The following KMT2A variants were observed in gnomAD, a reference collection of about 807,000 sequenced individuals.
The protein encoded by KMT2A is lysine methyltransferase 2A, also known as histone-lysine N-methyltransferase 2A.
Under a neutral mutation model 345.3 loss-of-function variants are expected in KMT2A, and 16 were observed. The ratio of observed to expected loss-of-function variants is 0.05; its 90% CI spans 0.03 to 0.07. KMT2A has a LOEUF of 0.07. KMT2A is among the 10% of genes least tolerant of loss of function. The probability of loss-of-function intolerance (pLI) is 1.00; values close to 1 mark genes in which losing one functional copy is unlikely to be tolerated. For synonymous variants in KMT2A, 1,599 were observed against 1,778.6 expected, an observed-to-expected ratio of 0.90 and a Z score of 2.54; for missense variants, 3,272 against 4,841.6, an observed-to-expected ratio of 0.68 and a Z score of 9.62.
At position 118,473,927 on chromosome 11, in the gene KMT2A, C is replaced by T; in HGVS notation, c.2768C>T (p.Thr923Ile). The T allele has an allele frequency of 6.2e-7, 1 of 1,614,114 alleles. No homozygotes were observed. The highest frequency in any genetic ancestry group is 8.5e-7 in the Non-Finnish European group (1 of 1,179,998). ...KEKVVGEDVATSSSAKKATGR... is the reference protein window; with the variant it reads ...KEKVVGEDVAISSSAKKATGR... ...AAGGTTGTTGGTGAAGATGTTGCCA[C>T]TTCATCTTCTGCCAAAAAAGCAACA... The change falls in exon 3 of 36, where the codon ACT (threonine) becomes ATT (isoleucine). Residue 923 changes from threonine (T) to isoleucine (I), a missense_variant. This residue lies in a region of KMT2A where 209 missense variants were observed against 237.4 expected (regional missense o/e 0.88). Coordinates refer to ENST00000534358, the MANE Select transcript of KMT2A (RefSeq NM_001197104.2). This position sits in a 1 kb window ranked among gnomAD's most constrained non-coding sequence, Gnocchi z 5.2.
chr11:118,474,979 A>AC (rs1451713899), intron 3 of KMT2A, among the ~76,000 whole-genome samples: 2 of 152,024 alleles, frequency 1.3e-5, no homozygotes, highest in African/African-American at 4.8e-5. Context: ...AAAAAAAAAA[A>AC]AAAATTAGCT....
At position 118,521,601 on chromosome 11, in the gene KMT2A, G is replaced by C. The variant is rs552583822; in HGVS notation, c.11643+184G>C. The stretch of plus-strand genomic sequence containing the variant: ...AGAATCCACTCTGAGGATTAGTACA[G>C]AAAGTTGCTCTTAGAAGGTTTGTCT... On this transcript the variant is annotated intron_variant, in intron 35 of 35. Transcript: ENST00000534358. This position sits in a 1 kb window ranked among gnomAD's most constrained non-coding sequence, Gnocchi z 5.3. Among the ~76,000 whole-genome samples the C allele has an allele frequency of 6.6e-6, 1 of 152,342 alleles. No individual in the cohort carries two copies. Among genetic ancestry groups the C allele is most frequent in the South Asian group, 2.1e-4 (1 of 4,826 alleles).
rs76427799 is a variant in KMT2A, at chr11:118,479,445, A to T, written c.3570-729A>T. On this transcript the variant is annotated intron_variant, in intron 5 of 35. Coordinates refer to ENST00000534358, the MANE Select transcript of KMT2A (RefSeq NM_001197104.2). ...GATATTTGCTGAATGAGTGAGTCAC[A>T]TGCAAGTGATTAATATAAAGAACAG... is the stretch of plus-strand genomic sequence containing the variant. 9.8e-3 allele frequency among the ~76,000 whole-genome samples: 1,486 copies of T among 152,370 alleles called. 18 individuals are homozygous for T. Among genetic ancestry groups the T allele is most frequent in the Non-Finnish European group, 0.013 (906 of 68,026 alleles).
intron 1 of KMT2A, among the ~76,000 whole-genome samples, chr11:118,464,825 A>G (rs1565273690): frequency 6.6e-6 from 1 of 152,230 alleles, no homozygotes; most frequent in Non-Finnish European, 1.5e-5. Context: ...GGTCATGGCA[A>G]CAGTTTTTTG....
At chr11:118,454,886 G>T (rs1201873806) in intron 1 of KMT2A, among the ~76,000 whole-genome samples, 1 of 151,394 alleles carries the variant, frequency 6.6e-6, no homozygotes, top group East Asian at 1.9e-4. Context: ...TTGATGGTGG[G>T]CCAAATTCGG....
At chr11:118,439,239 A>G (rs1591336558) in intron 1 of KMT2A, 2 of 374,136 alleles carry the variant, frequency 5.3e-6, no homozygotes, top group East Asian at 7.2e-5. Flanking sequence ...TTGCCTGGTT[A>G]TATGTAGCAT....
chr11:118,492,304 G>A (rs1432232834), intron 15 of KMT2A, among the ~76,000 whole-genome samples: 1 of 152,204 alleles, frequency 6.6e-6, no homozygotes, highest in Non-Finnish European at 1.5e-5. Flanking sequence ...GTAGTTAGGG[G>A]ACAGTTATAG....
At chr11:118,501,534 TG>T (rs1950500504) in intron 25 of KMT2A, 137 bp from the exon 26 acceptor site, 2 of 678,926 alleles carry the variant, frequency 2.9e-6, no homozygotes, top group South Asian at 2.1e-5. Context: ...GATTGAAAGC[TG>T]GGGGAAAAGT....
rs1170954284 is a variant in KMT2A, at chr11:118,497,248, C to T, written c.5665-688C>T. On this transcript the variant is annotated intron_variant, in intron 20 of 35. Coordinates refer to ENST00000534358, the MANE Select transcript of KMT2A (RefSeq NM_001197104.2). This position sits in a 1 kb window ranked among gnomAD's most constrained non-coding sequence, Gnocchi z 4.8. ...CAAACTCCCGACCCCAGGTGATCCA[C>T]CCACCTCATATCCCAAAGTGGTGGG... Among the ~76,000 whole-genome samples, 1 of 152,140 alleles carries T rather than the reference C, an allele frequency of 6.6e-6. No homozygotes were observed. The highest frequency in any genetic ancestry group is 1.5e-5 in the Non-Finnish European group (1 of 68,016).
intron 27 of KMT2A, 95 bp from the exon 28 acceptor site, chr11:118,507,434 G>A (rs945618105): frequency 9.3e-7 from 1 of 1,076,104 alleles, no homozygotes; most frequent in African/African-American, 1.5e-5. Flanking sequence ...GACTTTATCA[G>A]ATCCTGATAG....
At position 118,484,450 on chromosome 11, in the gene KMT2A, G is replaced by A; in HGVS notation, c.4218+136G>A. 1 of 880,052 alleles carries A rather than the reference G, an allele frequency of 1.1e-6. No individual in the cohort carries two copies. Among genetic ancestry groups the A allele is most frequent in the African/African-American group, 1.7e-5 (1 of 59,108 alleles). 54.5% of individuals were successfully genotyped at this position (880,052 alleles called of 1,614,324 possible). On this transcript the variant is annotated intron_variant, in intron 9 of 35. Coordinates refer to ENST00000534358, the MANE Select transcript of KMT2A (RefSeq NM_001197104.2). This position sits in a 1 kb window ranked among gnomAD's most constrained non-coding sequence, Gnocchi z 4.1. ...AATAAGAACTCCCATTAGCAGGTGG[G>A]TTTAGCGCTGGGAGAGCTTTGGTCA...
chr11:118,485,706 T>C (rs2134316788), intron 10 of KMT2A, among the ~76,000 whole-genome samples: 1 of 152,328 alleles, frequency 6.6e-6, no homozygotes, highest in South Asian at 2.1e-4. Flanking sequence ...TATAAAGAAG[T>C]GTTCATTTCA....
intron 10 of KMT2A, among the ~76,000 whole-genome samples, chr11:118,486,806 T>A (rs1950238203): frequency 6.6e-6 from 1 of 152,114 alleles, no homozygotes; most frequent in Non-Finnish European, 1.5e-5. Context: ...GAGGATCACT[T>A]GAGCCCAGGA....
At chr11:118,462,774 G>C (rs1949770291) in intron 1 of KMT2A, among the ~76,000 whole-genome samples, 1 of 152,152 alleles carries the variant, frequency 6.6e-6, no homozygotes, top group African/African-American at 2.4e-5. Context: ...GTGTTAGCCA[G>C]GATGGTCTCG....
At position 118,496,532 on chromosome 11, in the gene KMT2A, AAC is replaced by A. The variant is rs1555044014; in HGVS notation, c.5664+166_5664+167del. The stretch of plus-strand genomic sequence containing the variant: ...TATAACTTATAACTTATTAATTTGT[AAC>A]TTATTTTTTGTCACTTAGTTCATGG... On this transcript the variant is annotated intron_variant, in intron 20 of 35. Transcript: ENST00000534358. The surrounding 1 kb of genome is among the most constrained non-coding windows in gnomAD (Gnocchi z 4.7). Among the ~76,000 whole-genome samples, 2 of 152,178 alleles carry A rather than the reference AAC, an allele frequency of 1.3e-5. No homozygotes were observed. The highest frequency in any genetic ancestry group is 4.8e-5 in the African/African-American group (2 of 41,446).
intron 1 of KMT2A, chr11:118,458,185 GTGATTCTC>G (rs782816203): frequency 7.9e-6 from 3 of 377,558 alleles, no homozygotes; most frequent in South Asian, 5.7e-5. Flanking sequence ...CTGGACTTAA[GTGATTCTC>G]CCACCTCAAC....
chr11:118,499,819 T>G lies in KMT2A; in HGVS notation c.6080-16T>G. 6.3e-7 allele frequency: 1 copy of G among 1,583,338 alleles called. No homozygotes were observed. The highest frequency in any genetic ancestry group is 1.1e-5 in the South Asian group (1 of 90,422). On this transcript the variant is annotated splice_polypyrimidine_tract_variant and intron_variant, in intron 23 of 35. Coordinates refer to ENST00000534358, the MANE Select transcript of KMT2A (RefSeq NM_001197104.2). ...GCTCATAATCTTCTCTAATCGGTTC[T>G]TCTTTCCTTGGTCAGGGTCTATGAC...
intron 1 of KMT2A, 96 bp from the exon 2 acceptor site, chr11:118,468,679 T>G: frequency 1.1e-6 from 1 of 918,318 alleles, no homozygotes; most frequent in East Asian, 2.5e-5. Context: ...AGGCAACTTT[T>G]CCAAATTCAT....
At chr11:118,444,475 C>T (rs181714445) in intron 1 of KMT2A, among the ~76,000 whole-genome samples, 2 of 152,206 alleles carry the variant, frequency 1.3e-5, no homozygotes, top group East Asian at 1.9e-4. Context: ...GGTGTGAGAT[C>T]GTTTAGCATA....
Sources: allele counts gnomAD v4.1 joint callset (sites outside exome capture counted in the v4.1 genomes callset), GRCh38; gene constraint gnomAD v4.1.1; regional missense constraint gnomAD v4.1.1; non-coding constraint Gnocchi (gnomAD v3.1); transcripts MANE v1.5; gene names NCBI Gene and HGNC (gene_info 2026-07-23, HGNC 2026-07-21).